The following TMEM45B variants were observed in gnomAD, a reference collection of about 807,000 sequenced individuals.
TMEM45B encodes transmembrane protein 45B.
In TMEM45B, 29 loss-of-function variants were observed where a neutral mutation model predicts 27.3. That is an observed-to-expected ratio of 1.06 (90% CI 0.79 to 1.45). TMEM45B has a LOEUF of 1.45. TMEM45B is among the 40% of genes most tolerant of loss of function. The pLI is 0.00. For synonymous variants in TMEM45B, 143 were observed against 134.7 expected, an observed-to-expected ratio of 1.06 and a Z score of -0.43; for missense variants, 348 against 343.9, an observed-to-expected ratio of 1.01 and a Z score of -0.09.
intron 1 of TMEM45B, among the ~76,000 whole-genome samples, chr11:129,831,169 A>G (rs918077372): frequency 1.1e-4 from 16 of 152,212 alleles, no homozygotes; most frequent in African/African-American, 2.9e-4. Context: ...ACTGCTCACA[A>G]TTTCATGGAT....
Position 129,852,577 on chromosome 11 carries a change from A to C in TMEM45B, c.95A>C (p.His32Pro), listed in dbSNP as rs748121411. 10 of 1,613,874 alleles carry C rather than the reference A, an allele frequency of 6.2e-6. No homozygotes were observed. The South Asian group carries it at 9.9e-5, about 16-fold the overall frequency. Residue 32 changes from histidine (H) to proline (P), a missense_variant, in exon 2 of 6, where the codon CAC (histidine) becomes CCC (proline). His to Pro is a moderately conservative substitution (Grantham distance 77). Transcript: ENST00000281441. ...AAGTACCCGCTGAAGTACTTTAGCC[A>C]CACGCGGAAGAACAGCCCACTACAT... The part of the protein sequence containing the change: ...SVKYPLKYFS[H>P]TRKNSPLHYY...
At chr11:129,839,597 C>T (rs1026093292) in intron 1 of TMEM45B, among the ~76,000 whole-genome samples, 3 of 152,152 alleles carry the variant, frequency 2.0e-5, no homozygotes, top group Non-Finnish European at 2.9e-5. Context: ...GGAGTGTCAG[C>T]GGTGCAATCA....
At chr11:129,825,657 G>C (rs936904075) in intron 1 of TMEM45B, among the ~76,000 whole-genome samples, 3 of 152,138 alleles carry the variant, frequency 2.0e-5, no homozygotes, top group Non-Finnish European at 2.9e-5. Context: ...GAGGACTGTT[G>C]AGTAAAGTGG....
chr11:129,837,584 G>GTTTTTTTTTTTTTTTTTTTTTTTTTTTT (rs1387294363), intron 1 of TMEM45B, among the ~76,000 whole-genome samples: 2 of 34,952 alleles, frequency 5.7e-5, no homozygotes, highest in Non-Finnish European at 1.3e-4. Context: ...ACTGCACTGG[G>GTTTTTTTTTTTTTTTTTTTTTTTTTTTT]CTTTTTTTTT....
At chr11:129,853,394 GGAGA>G (rs935529672) in intron 2 of TMEM45B, among the ~76,000 whole-genome samples, 4 of 152,220 alleles carry the variant, frequency 2.6e-5, no homozygotes, top group Admixed American at 2.0e-4. Context: ...ATGGCTTCTT[GGAGA>G]GAGTGAAGCA....
chr11:129,831,299 C>T (rs1314913881), intron 1 of TMEM45B, among the ~76,000 whole-genome samples: 2 of 152,148 alleles, frequency 1.3e-5, no homozygotes, highest in Non-Finnish European at 2.9e-5. Context: ...TTGGCATAAT[C>T]GAACTGCCAG....
At chr11:129,816,011 C>A (rs1318877178) in intron 1 of TMEM45B, 113 bp downstream of exon 1, 8 of 1,231,802 alleles carry the variant, frequency 6.5e-6, no homozygotes, top group Non-Finnish European at 8.1e-6. Context: ...TCGCAGGGGA[C>A]CTGCGGGGGA....
In TMEM45B at chr11:129,858,867, C is replaced by T. The variant is rs1947969320; in HGVS notation, c.*182C>T. ...GGCCTACAGCATCCTGTGTATCTTG[C>T]AGTTGGGATTTTTAAACATACTATA... On this transcript the variant is annotated 3_prime_UTR_variant, in exon 6 of 6. Coordinates refer to ENST00000281441, the MANE Select transcript of TMEM45B (RefSeq NM_138788.5). The T allele has an allele frequency of 1.8e-5, 8 of 455,520 alleles. No homozygotes were observed. The South Asian group carries it at 2.4e-4, about 14-fold the overall frequency. 28.2% of individuals were successfully genotyped at this position (455,520 alleles called of 1,614,324 possible). A position where few individuals can be genotyped will look rare whatever the true frequency, so the allele number is the denominator to read the frequency against.
At chr11:129,855,598 TACTA>T (rs1192747326) in intron 3 of TMEM45B, 106 bp from the exon 4 acceptor site, 5 of 1,040,446 alleles carry the variant, frequency 4.8e-6, no homozygotes, top group South Asian at 1.4e-5. Context: ...TAATGTTATG[TACTA>T]ACTGCCTAAA....
chr11:129,820,979 G>A (rs1460638374), intron 1 of TMEM45B, among the ~76,000 whole-genome samples: 2 of 152,048 alleles, frequency 1.3e-5, no homozygotes, highest in Non-Finnish European at 2.9e-5. Flanking sequence ...AGAAGGATGA[G>A]GGTTTCGCTC....
At chr11:129,828,212 G>A (rs1451392945) in intron 1 of TMEM45B, 1 of 152,216 alleles carries the variant, frequency 6.6e-6, no homozygotes, top group African/African-American at 2.4e-5. Context: ...AGACAGCAGG[G>A]CTGAGACTAT....
chr11:129,858,604 G>A lies in TMEM45B; in HGVS notation c.747G>A (p.Arg249=). 2 of 1,588,622 alleles carry A rather than the reference G, an allele frequency of 1.3e-6. No homozygotes were observed. Among genetic ancestry groups the A allele is most frequent in the Non-Finnish European group, 8.6e-7 (1 of 1,166,570 alleles). Residue 249 remains arginine, a synonymous_variant, in exon 6 of 6, where the codon AGG becomes AGA. Coordinates refer to ENST00000281441, the MANE Select transcript of TMEM45B (RefSeq NM_138788.5). ...TGACTCGGATGAAGAGACACGGAAG[G>A]GGAGAAATCATTGGAATTCAGAAGC... is the stretch of plus-strand genomic sequence containing the variant. ...CLLTRMKRHG[R]GEIIGIQKLN...
At chr11:129,848,224 T>C (rs534977068) in intron 1 of TMEM45B, among the ~76,000 whole-genome samples, 3 of 152,256 alleles carry the variant, frequency 2.0e-5, no homozygotes, top group South Asian at 4.1e-4. Context: ...CTGGGCACCA[T>C]TGAGCACTGA....
intron 2 of TMEM45B, among the ~76,000 whole-genome samples, chr11:129,853,968 G>T (rs1232094698): frequency 1.3e-5 from 2 of 152,218 alleles, no homozygotes; most frequent in Non-Finnish European, 2.9e-5. Context: ...GCTATCCTGT[G>T]TCGCAGTTTC....
intron 1 of TMEM45B, among the ~76,000 whole-genome samples, chr11:129,827,633 G>A (rs1029477752): frequency 3.9e-5 from 6 of 152,078 alleles, no homozygotes; most frequent in African/African-American, 7.2e-5. Context: ...GAGAAACCCC[G>A]CCTCTACTAA....
intron 1 of TMEM45B, among the ~76,000 whole-genome samples, chr11:129,839,188 G>C (rs1270450093): frequency 6.6e-6 from 1 of 152,156 alleles, no homozygotes. Context: ...AAATAAAAAG[G>C]AACAGTTGCC....
chr11:129,823,306 G>A (rs868700099), intron 1 of TMEM45B, among the ~76,000 whole-genome samples: 13 of 152,128 alleles, frequency 8.5e-5, no homozygotes, highest in African/African-American at 1.2e-4. Flanking sequence ...TTTAGATCAC[G>A]TGAAGGGAAC....
intron 1 of TMEM45B, among the ~76,000 whole-genome samples, chr11:129,837,585 C>CCTTTTTTTTT (rs1947636610): frequency 1.2e-5 from 1 of 80,286 alleles, no homozygotes; most frequent in African/African-American, 4.3e-5. Flanking sequence ...CTGCACTGGG[C>CCTTTTTTTTT]TTTTTTTTTT....
chr11:129,849,124 C>T (rs1158738630), intron 1 of TMEM45B, among the ~76,000 whole-genome samples: 1 of 152,180 alleles, frequency 6.6e-6, no homozygotes, highest in Non-Finnish European at 1.5e-5. Context: ...CCAACATGAA[C>T]TTTAAAATCT....
Sources: allele counts gnomAD v4.1 joint callset (sites outside exome capture counted in the v4.1 genomes callset), GRCh38; gene constraint gnomAD v4.1.1; transcripts MANE v1.5; gene names NCBI Gene and HGNC (gene_info 2026-07-23, HGNC 2026-07-21).